The following MMP16 variants were observed in gnomAD, a reference collection of about 807,000 sequenced individuals.
The protein encoded by MMP16 is matrix metalloproteinase-16.
Under a neutral mutation model 67.8 loss-of-function variants are expected in MMP16, and 12 were observed. The observed-to-expected ratio is 0.18, with a 90% CI of 0.11 to 0.29. MMP16 has a LOEUF of 0.29. Among genes scored for constraint, MMP16 ranks in the 10% least tolerant of loss-of-function variants. The probability of loss-of-function intolerance (pLI) is 1.00; values close to 1 mark genes in which losing one functional copy is unlikely to be tolerated. For synonymous variants in MMP16, 249 were observed against 255.9 expected, an observed-to-expected ratio of 0.97 and a Z score of 0.26; for missense variants, 475 against 765.7, an observed-to-expected ratio of 0.62 and a Z score of 4.48.
At chr8:88,313,476 C>T (rs1470401803) in intron 1 of MMP16, among the ~76,000 whole-genome samples, 1 of 152,120 alleles carries the variant, frequency 6.6e-6, no homozygotes, top group Non-Finnish European at 1.5e-5. Context: ...TCTCTGTCTG[C>T]TTTTATGATT....
rs148125082 is a variant in MMP16 at position 88,090,626 on chromosome 8, C to A, written c.1084-15883G>T. 9.3e-5 allele frequency among the ~76,000 whole-genome samples: 14 copies of A among 151,222 alleles called. No homozygotes were observed. In the East Asian group the frequency reaches 2.7e-3, roughly 29 times the overall value. On this transcript the variant is annotated intron_variant, in intron 6 of 9. Coordinates refer to ENST00000286614, the MANE Select transcript of MMP16 (RefSeq NM_005941.5). ...AATGCATGACTAAAAATTGTCAATT[C>A]TTTGACAATTTTTAAAATTTTAATT...
chr8:88,066,693 A>G (rs1055033834), intron 7 of MMP16, among the ~76,000 whole-genome samples: 3 of 152,012 alleles, frequency 2.0e-5, no homozygotes, highest in Non-Finnish European at 4.4e-5. Context: ...TGGCTTCTTT[A>G]AAAAAACAAA....
intron 1 of MMP16, among the ~76,000 whole-genome samples, chr8:88,322,036 A>G (rs1811467873): frequency 1.3e-5 from 2 of 152,096 alleles, no homozygotes; most frequent in African/African-American, 4.8e-5. Flanking sequence ...ATCCCTCCCT[A>G]TACATAATTT....
At chr8:88,157,665 T>A (rs1808533784) in intron 4 of MMP16, among the ~76,000 whole-genome samples, 1 of 152,016 alleles carries the variant, frequency 6.6e-6, no homozygotes. Flanking sequence ...TTCATCTGCT[T>A]CATTTTATTT....
chr8:88,167,610 C>A (rs923266291), intron 4 of MMP16, 59 bp downstream of exon 4: 1 of 1,457,652 alleles, frequency 6.9e-7, no homozygotes, highest in African/African-American at 1.4e-5. Flanking sequence ...TGTTAAATCT[C>A]TTGGTTATTC....
intron 8 of MMP16, among the ~76,000 whole-genome samples, chr8:88,053,893 G>C (rs1239320875): frequency 2.0e-5 from 3 of 152,028 alleles, no homozygotes; most frequent in African/African-American, 7.2e-5. Flanking sequence ...GAGCTTAAAA[G>C]TAATAAAGGC....
intron 1 of MMP16, among the ~76,000 whole-genome samples, chr8:88,319,299 G>C (rs1198315749): frequency 6.6e-6 from 1 of 152,026 alleles, no homozygotes; most frequent in Non-Finnish European, 1.5e-5. Flanking sequence ...GTATACATTT[G>C]TTTCTCTAAG....
At chr8:88,256,163 C>T (rs1810297636) in intron 1 of MMP16, among the ~76,000 whole-genome samples, 1 of 152,148 alleles carries the variant, frequency 6.6e-6, no homozygotes, top group South Asian at 2.1e-4. Context: ...ACATTCTAAG[C>T]CAAGTTTATA....
intron 3 of MMP16, among the ~76,000 whole-genome samples, chr8:88,182,752 A>T (rs1385863261): frequency 1.3e-5 from 2 of 152,208 alleles, no homozygotes; most frequent in African/African-American, 2.4e-5. Flanking sequence ...CAAAAACATG[A>T]ACACAAATGT....
At chr8:88,296,821 G>C (rs1031014665) in intron 1 of MMP16, among the ~76,000 whole-genome samples, 21 of 150,016 alleles carry the variant, frequency 1.4e-4, no homozygotes, top group Admixed American at 1.3e-4. Flanking sequence ...CTCCAGCCTG[G>C]GTGGCAAAGT....
Position 88,074,631 on chromosome 8 carries a change from C to T in MMP16, c.1196G>A (p.Ser399Asn), listed in dbSNP as rs769479277. The change falls in exon 7 of 10, where the codon AGC (serine) becomes AAC (asparagine). Residue 399 changes from serine (S) to asparagine (N), a missense_variant. Ser to Asn is a conservative substitution (Grantham distance 46). This residue lies in a region of MMP16 where 195 missense variants were observed against 300.9 expected (regional missense o/e 0.65). Coordinates refer to ENST00000286614, the MANE Select transcript of MMP16 (RefSeq NM_005941.5). Reference sequence around the variant, plus strand: ...TTTAAAGAACACAAAATTCCCGTCGCTATTTTCATAAACTGCATCGATACT... The same window carrying T: ...TTTAAAGAACACAAAATTCCCGTCGTTATTTTCATAAACTGCATCGATACT... The part of the protein sequence containing the change: ...PPSIDAVYEN[S>N]DGNFVFFKGN... 1 of 1,613,332 alleles carries T rather than the reference C, an allele frequency of 6.2e-7. No individual in the cohort carries two copies.
chr8:88,113,113 A>G (rs1809366461), intron 6 of MMP16, among the ~76,000 whole-genome samples: 1 of 151,888 alleles, frequency 6.6e-6, no homozygotes, highest in African/African-American at 2.4e-5. Flanking sequence ...ATTAGCACTG[A>G]GCACTATGAA....
At chr8:88,044,948 T>G (rs1161412034) in intron 9 of MMP16, among the ~76,000 whole-genome samples, 1 of 152,232 alleles carries the variant, frequency 6.6e-6, no homozygotes, top group Non-Finnish European at 1.5e-5. Context: ...GCCTCCAATG[T>G]GACTTTATCA....
chr8:88,157,913 C>A (rs532799100), intron 4 of MMP16, among the ~76,000 whole-genome samples: 3 of 147,068 alleles, frequency 2.0e-5, no homozygotes, highest in Non-Finnish European at 4.4e-5. Flanking sequence ...TAAGTGAGAA[C>A]ATGCAGTGTT....
At chr8:88,203,681 G>T (rs1376533618) in intron 1 of MMP16, among the ~76,000 whole-genome samples, 2 of 152,114 alleles carry the variant, frequency 1.3e-5, no homozygotes, top group Admixed American at 6.6e-5. Flanking sequence ...TTACAGAAAA[G>T]AAATTTTATA....
intron 4 of MMP16, among the ~76,000 whole-genome samples, chr8:88,150,774 A>G (rs1808391485): frequency 6.6e-6 from 1 of 151,594 alleles, no homozygotes; most frequent in African/African-American, 2.4e-5. Context: ...AAATGTAAAG[A>G]CCATCGATGC....
chr8:88,146,849 C>T (rs1808301314), intron 4 of MMP16, among the ~76,000 whole-genome samples: 1 of 151,210 alleles, frequency 6.6e-6, no homozygotes. Context: ...TAGGTTTTTG[C>T]CAAACTTTTC....
intron 4 of MMP16, among the ~76,000 whole-genome samples, chr8:88,144,022 T>C (rs1176990850): frequency 6.6e-6 from 1 of 151,914 alleles, no homozygotes; most frequent in East Asian, 1.9e-4. Context: ...GGCTAAAATT[T>C]TGTCAATAAA....
chr8:88,052,375 C>A (rs1177503060), intron 8 of MMP16, among the ~76,000 whole-genome samples: 3 of 152,050 alleles, frequency 2.0e-5, no homozygotes, highest in Non-Finnish European at 4.4e-5. Context: ...GCCCTGAGGA[C>A]AACTTGTTAT....
Sources: gnomAD v4.1 joint callset for allele counts (sites outside exome capture counted in the v4.1 genomes callset) on GRCh38, gnomAD v4.1.1 for gene constraint, gnomAD v4.1.1 regional missense constraint, MANE v1.5 for transcripts, NCBI Gene and HGNC (gene_info 2026-07-23, HGNC 2026-07-21) for gene names.